The following C8orf34 variants were observed in gnomAD, a reference collection of about 807,000 sequenced individuals.
C8orf34 encodes the protein chromosome 8 open reading frame 34.
In C8orf34, 65 loss-of-function variants were observed where a neutral mutation model predicts 68.3. The ratio of observed to expected loss-of-function variants is 0.95; its 90% CI spans 0.78 to 1.17. C8orf34 has a LOEUF of 1.17. C8orf34 is among the 50% of genes most tolerant of loss of function. C8orf34 has a pLI of 0.00. For synonymous variants in C8orf34, 244 were observed against 241.2 expected, an observed-to-expected ratio of 1.01 and a Z score of -0.11; for missense variants, 664 against 655.4, an observed-to-expected ratio of 1.01 and a Z score of -0.14.
chr8:68,378,890 A>G (rs1434487964), intron 1 of C8orf34, among the ~76,000 whole-genome samples: 1 of 152,218 alleles, frequency 6.6e-6, no homozygotes, highest in African/African-American at 2.4e-5. Context: ...ATTTGAATCA[A>G]TATATAAAGT....
intron 1 of C8orf34, among the ~76,000 whole-genome samples, chr8:68,407,803 T>A (rs755211525): frequency 1.1e-4 from 17 of 152,310 alleles, no homozygotes; most frequent in Non-Finnish European, 2.2e-4. Context: ...ATTTTTAAGA[T>A]CCTTTGAATT....
chr8:68,659,545 T>C (rs1473446436), intron 8 of C8orf34, among the ~76,000 whole-genome samples: 1 of 152,196 alleles, frequency 6.6e-6, no homozygotes, highest in Non-Finnish European at 1.5e-5. Flanking sequence ...GTTTCCAAAT[T>C]CTGGAGAAGC....
At chr8:68,781,228 T>C (rs1823667793) in intron 11 of C8orf34, among the ~76,000 whole-genome samples, 1 of 152,184 alleles carries the variant, frequency 6.6e-6, no homozygotes, top group Non-Finnish European at 1.5e-5. Context: ...ACTGATTGGT[T>C]GCATTTAGAG....
intron 8 of C8orf34, among the ~76,000 whole-genome samples, chr8:68,704,824 A>G (rs935457233): frequency 5.3e-5 from 8 of 150,318 alleles, no homozygotes; most frequent in Admixed American, 2.7e-4. Flanking sequence ...ATGTCTTAAC[A>G]TGAGTATAAT....
chr8:68,532,286 A>G (rs984773174), intron 6 of C8orf34, among the ~76,000 whole-genome samples: 1 of 152,196 alleles, frequency 6.6e-6, no homozygotes, highest in African/African-American at 2.4e-5. Context: ...CTGATACTCA[A>G]TAATATTTAA....
intron 10 of C8orf34, among the ~76,000 whole-genome samples, chr8:68,723,925 A>G (rs1237041515): frequency 6.6e-6 from 1 of 152,294 alleles, no homozygotes; most frequent in East Asian, 1.9e-4. Context: ...AAAGTTTGTT[A>G]TAGGTCAACT....
intron 8 of C8orf34, among the ~76,000 whole-genome samples, chr8:68,643,480 A>C (rs984529734): frequency 6.6e-6 from 1 of 152,182 alleles, no homozygotes; most frequent in African/African-American, 2.4e-5. Flanking sequence ...AATACCAAAA[A>C]CTGTGTCTTA....
chr8:68,677,967 A>G (rs1379643872), intron 8 of C8orf34, among the ~76,000 whole-genome samples: 1 of 152,120 alleles, frequency 6.6e-6, no homozygotes, highest in Non-Finnish European at 1.5e-5. Context: ...TATATGCCTT[A>G]AACTGGAAAA....
At chr8:68,480,460 T>A (rs571784816) in intron 4 of C8orf34, among the ~76,000 whole-genome samples, 7 of 152,298 alleles carry the variant, frequency 4.6e-5, no homozygotes, top group African/African-American at 1.7e-4. Flanking sequence ...GCCAAAAAGA[T>A]ACCTCAAAAT....
At chr8:68,368,103 A>G (rs1369437027) in intron 1 of C8orf34, among the ~76,000 whole-genome samples, 1 of 152,080 alleles carries the variant, frequency 6.6e-6, no homozygotes, top group Non-Finnish European at 1.5e-5. Flanking sequence ...CAGCTCAGCA[A>G]AGTCATTATG....
chr8:68,743,308 T>C (rs1822359210), intron 10 of C8orf34, among the ~76,000 whole-genome samples: 1 of 152,172 alleles, frequency 6.6e-6, no homozygotes, highest in African/African-American at 2.4e-5. Context: ...TGTAATTGCT[T>C]TTACAACTTT....
At chr8:68,390,514 A>C (rs992102800) in intron 1 of C8orf34, among the ~76,000 whole-genome samples, 6 of 152,160 alleles carry the variant, frequency 3.9e-5, no homozygotes, top group African/African-American at 1.4e-4. Flanking sequence ...TTTATGTATC[A>C]CATACAATTC....
intron 7 of C8orf34, among the ~76,000 whole-genome samples, chr8:68,571,556 T>G (rs543986069): frequency 0.048 from 19 of 394 alleles, no homozygotes; most frequent in East Asian, 0.29. Flanking sequence ...GCTTATTGTG[T>G]TGTTGGTGGG....
rs73683576 is a variant in C8orf34 at position 68,598,457 on chromosome 8, C to T, written c.1106-41919C>T. On this transcript the variant is annotated intron_variant, in intron 7 of 13. Coordinates refer to ENST00000518698, the MANE Select transcript of C8orf34 (RefSeq NM_052958.4). ...AAGTCCAGTTCCTCAGACAGCAAAGCGCACCAGTGGGAAGAGGCCGTGGCA... is the reference window on the plus strand; with the variant it reads ...AAGTCCAGTTCCTCAGACAGCAAAGTGCACCAGTGGGAAGAGGCCGTGGCA... Among the ~76,000 whole-genome samples, 347 of 152,204 alleles carry T rather than the reference C, an allele frequency of 2.3e-3. 2 individuals are homozygous for T. Among genetic ancestry groups the T allele is most frequent in the African/African-American group, 7.7e-3 (321 of 41,524 alleles).
At chr8:68,626,225 A>C (rs1170211836) in intron 7 of C8orf34, among the ~76,000 whole-genome samples, 1 of 152,200 alleles carries the variant, frequency 6.6e-6, no homozygotes, top group African/African-American at 2.4e-5. Context: ...CTTAGGACTT[A>C]AGCAAATACA....
intron 1 of C8orf34, among the ~76,000 whole-genome samples, chr8:68,338,365 A>C (rs766573749): frequency 1.3e-5 from 2 of 152,156 alleles, no homozygotes; most frequent in Non-Finnish European, 2.9e-5. Context: ...CGTTGTTTGG[A>C]ATTTCCTGGA....
At chr8:68,768,886 A>AC (rs1823259196) in intron 10 of C8orf34, among the ~76,000 whole-genome samples, 1 of 136,460 alleles carries the variant, frequency 7.3e-6, no homozygotes, top group Non-Finnish European at 1.5e-5. Flanking sequence ...CTGGGTTCAC[A>AC]CTTTTTTTTT....
intron 7 of C8orf34, among the ~76,000 whole-genome samples, chr8:68,562,335 C>T (rs969709356): frequency 1.3e-5 from 2 of 152,116 alleles, no homozygotes; most frequent in African/African-American, 4.8e-5. Context: ...GAATCTGATA[C>T]TTGGGAAACT....
intron 5 of C8orf34, among the ~76,000 whole-genome samples, chr8:68,497,646 A>G (rs371026496): frequency 1.3e-5 from 2 of 152,212 alleles, no homozygotes; most frequent in African/African-American, 4.8e-5. Context: ...TAATTACAGT[A>G]TAACCATACA....
Sources: gnomAD v4.1 joint callset for allele counts (sites outside exome capture counted in the v4.1 genomes callset) on GRCh38, gnomAD v4.1.1 for gene constraint, MANE v1.5 for transcripts, NCBI Gene and HGNC (gene_info 2026-07-23, HGNC 2026-07-21) for gene names.